MINDY4: variants seen among roughly 807,000 people sequenced by gnomAD.
The protein encoded by MINDY4 is MINDY lysine 48 deubiquitinase 4.
A neutral mutation model predicts 87.0 loss-of-function variants in MINDY4; 68 were observed. The ratio of observed to expected loss-of-function variants is 0.78; its 90% confidence interval spans 0.64 to 0.96. The LOEUF (loss-of-function observed/expected upper bound fraction) is 0.96. Ranked by LOEUF, MINDY4 falls within the 40% of genes least tolerant of loss-of-function variation. The pLI is 0.00. For synonymous variants in MINDY4, 379 were observed against 363.2 expected (o/e 1.04, Z -0.50); for missense variants, 919 against 928.2 (o/e 0.99, Z 0.13).
intron 9 of MINDY4, among the ~76,000 whole-genome samples, chr7:30,849,777 T>A (rs975596081): frequency 6.6e-6 from 1 of 152,238 alleles, no homozygotes; most frequent in African/African-American, 2.4e-5. Context: ...TATCTAAAGA[T>A]CTGAGTGCAT....
chr7:30,796,123 T>A (rs117661071), intron 5 of MINDY4, among the ~76,000 whole-genome samples: 44,779 of 114,120 alleles, frequency 0.39, 6,832 homozygotes, highest in African/African-American at 0.43. Context: ...GCACTGTACT[T>A]TTTTTTTTTT....
intron 13 of MINDY4, among the ~76,000 whole-genome samples, chr7:30,864,633 G>A (rs1312271904): frequency 2.0e-5 from 3 of 152,358 alleles, no homozygotes; most frequent in African/African-American, 4.8e-5. Flanking sequence ...TGCCATTCCT[G>A]GTGTGATTGC....
At position 30,782,065 on chromosome 7, in the gene MINDY4, A is replaced by C. The variant is rs771829271; in HGVS notation, c.272A>C (p.Gln91Pro). ...HFGNTANNFT[Q>P]DTPIPALSVP... ...GGAAATACGGCTAACAATTTCACTC[A>C]AGATACCCCAATCCCTGCACTCTCA... is the stretch of plus-strand genomic sequence containing the variant. Residue 91 changes from glutamine to proline, a missense_variant, in exon 3 of 18, where the codon CAA (glutamine) becomes CCA (proline). Coordinates refer to ENST00000265299, the MANE Select transcript of MINDY4 (RefSeq NM_032222.3). 3.1e-6 allele frequency: 5 copies of C among 1,614,184 alleles called. No homozygotes were observed. In the South Asian group the frequency reaches 4.4e-5, roughly 14 times the overall value.
At chr7:30,862,718 G>A (rs1728654797) in intron 13 of MINDY4, among the ~76,000 whole-genome samples, 1 of 152,230 alleles carries the variant, frequency 6.6e-6, no homozygotes. Context: ...TCACAGGAAA[G>A]CACTCACTTC....
At chr7:30,811,515 G>A (rs559750380) in intron 5 of MINDY4, among the ~76,000 whole-genome samples, 1 of 152,308 alleles carries the variant, frequency 6.6e-6, no homozygotes, top group Non-Finnish European at 1.5e-5. Context: ...TCAAAGTGGG[G>A]GAAGAAGGGA....
At chr7:30,812,023 A>C (rs960649115) in intron 5 of MINDY4, among the ~76,000 whole-genome samples, 3 of 152,192 alleles carry the variant, frequency 2.0e-5, no homozygotes, top group African/African-American at 4.8e-5. Context: ...CTGATTTATT[A>C]TTCTTCTTTT....
At chr7:30,812,006 A>G (rs1341260834) in intron 5 of MINDY4, among the ~76,000 whole-genome samples, 1 of 152,216 alleles carries the variant, frequency 6.6e-6, no homozygotes, top group Admixed American at 6.5e-5. Flanking sequence ...TAATAAAGAC[A>G]TTACTACTGA....
chr7:30,828,624 C>T lies in MINDY4; in HGVS notation c.1074-55C>T, dbSNP rs575837756. 35 of 1,564,196 alleles carry T rather than the reference C, an allele frequency of 2.2e-5. No homozygotes were observed. In the African/African-American group the frequency reaches 3.0e-4, roughly 13 times the overall value. On this transcript the variant is annotated intron_variant, in intron 5 of 17. Transcript: ENST00000265299. ...CATCGCTCTTAACAGTCTTCTCTGC[C>T]GTTTACATTTCTCTGTCAGTCTCCT...
At chr7:30,788,800 G>A (rs1026163987) in intron 4 of MINDY4, among the ~76,000 whole-genome samples, 5 of 152,158 alleles carry the variant, frequency 3.3e-5, no homozygotes, top group Non-Finnish European at 5.9e-5. Context: ...CACGGTCAGC[G>A]GAATGCCTGC....
intron 11 of MINDY4, 52 bp downstream of exon 11, chr7:30,852,331 G>A (rs1159868122): frequency 6.2e-7 from 1 of 1,613,026 alleles, no homozygotes; most frequent in Non-Finnish European, 8.5e-7. Context: ...TTTGGGGACT[G>A]TCTCCTTTCA....
chr7:30,783,320 T>C (rs974401898), intron 3 of MINDY4, among the ~76,000 whole-genome samples: 1 of 152,160 alleles, frequency 6.6e-6, no homozygotes, highest in Non-Finnish European at 1.5e-5. Flanking sequence ...TGTCTCCTTC[T>C]AAGAAGGACC....
intron 17 of MINDY4, 47 bp from the exon 18 acceptor site, chr7:30,891,910 C>T: frequency 6.3e-7 from 1 of 1,599,044 alleles, no homozygotes; most frequent in Admixed American, 1.7e-5. Context: ...TCATCTGGGA[C>T]CCTGAAGCTT....
chr7:30,822,282 A>T (rs1299695151), intron 5 of MINDY4, among the ~76,000 whole-genome samples: 1 of 151,382 alleles, frequency 6.6e-6, no homozygotes, highest in Admixed American at 6.6e-5. Flanking sequence ...GATTCAAGGG[A>T]TCCTCCCACA....
Position 30,791,539 on chromosome 7 carries a change from G to A in MINDY4, c.1038G>A (p.Ala346=), listed in dbSNP as rs755140213. The A allele has an allele frequency of 6.2e-5, 100 of 1,613,376 alleles. No homozygotes were observed. The East Asian group carries it at 1.4e-3, about 22-fold the overall frequency. ...SRMTQERLER[A]FKRQGSQPAP... ...TGACCCAGGAGAGGCTGGAAAGAGC[G>A]TTCAAACGGCAGGGCAGCCAGCCCG... Residue 346 remains alanine, a synonymous_variant, in exon 5 of 18, where the codon GCG becomes GCA. Transcript: ENST00000265299.
chr7:30,840,876 C>T, intron 9 of MINDY4, 28 bp downstream of exon 9: 6 of 1,593,672 alleles, frequency 3.8e-6, no homozygotes, highest in Non-Finnish European at 5.2e-6. Flanking sequence ...CTGGCAATAT[C>T]TTATTTTCCC....
At chr7:30,869,802 C>A (rs1484299132) in intron 13 of MINDY4, among the ~76,000 whole-genome samples, 2 of 152,178 alleles carry the variant, frequency 1.3e-5, no homozygotes, top group Non-Finnish European at 2.9e-5. Context: ...CACCTCTCAT[C>A]TTCTCCAGGC....
intron 15 of MINDY4, among the ~76,000 whole-genome samples, chr7:30,881,060 T>C (rs1213599547): frequency 6.6e-6 from 1 of 152,192 alleles, no homozygotes. Flanking sequence ...ATCCACAGGC[T>C]GTAGCTGTAA....
intron 6 of MINDY4, among the ~76,000 whole-genome samples, chr7:30,834,005 G>A (rs1398903992): frequency 6.6e-6 from 1 of 152,236 alleles, no homozygotes; most frequent in Non-Finnish European, 1.5e-5. Context: ...TCATGGGCTG[G>A]TGTTGAGTGT....
chr7:30,879,137 G>A (rs1179940358), intron 15 of MINDY4, among the ~76,000 whole-genome samples: 4 of 152,158 alleles, frequency 2.6e-5, no homozygotes, highest in African/African-American at 9.7e-5. Context: ...GTGTTGAAAC[G>A]CTGACCCCCA....
Sources: allele counts gnomAD v4.1 joint callset (sites outside exome capture counted in the v4.1 genomes callset), GRCh38; gene constraint gnomAD v4.1.1; transcripts MANE v1.5; gene names NCBI Gene and HGNC (gene_info 2026-07-23, HGNC 2026-07-21).